Variants in FOXP1 observed in about 807,000 individuals in gnomAD.
The protein encoded by FOXP1 is forkhead box protein P1.
Under a neutral mutation model 98.2 loss-of-function variants are expected in FOXP1, and 15 were observed. The observed-to-expected ratio is 0.15, with a 90% CI of 0.10 to 0.24. The LOEUF (loss-of-function observed/expected upper bound fraction) is 0.24, where lower values mean the gene tolerates loss of function less well. Among genes scored for constraint, FOXP1 ranks in the 10% least tolerant of loss-of-function variants. The pLI, the probability that FOXP1 is intolerant of heterozygous loss-of-function variation, is 1.00. For synonymous variants in FOXP1, 371 were observed against 314.5 expected (o/e 1.18, Z -1.90); for missense variants, 633 against 848.5 (o/e 0.75, Z 3.15).
At chr3:71,090,733 C>A (rs1239072911) in intron 7 of FOXP1, among the ~76,000 whole-genome samples, 1 of 152,060 alleles carries the variant, frequency 6.6e-6, no homozygotes, top group African/African-American at 2.4e-5. Context: ...AGTTGCACTG[C>A]CATTACAGGA....
At chr3:71,536,044 T>C (rs1466372094) in intron 2 of FOXP1, among the ~76,000 whole-genome samples, 1 of 152,108 alleles carries the variant, frequency 6.6e-6, no homozygotes, top group African/African-American at 2.4e-5. Context: ...AACAGTTGCC[T>C]TGAGGTAGTC....
At chr3:71,070,245 G>A (rs1576576428) in intron 7 of FOXP1, among the ~76,000 whole-genome samples, 2 of 152,322 alleles carry the variant, frequency 1.3e-5, no homozygotes, top group African/African-American at 4.8e-5. Flanking sequence ...ATGCACATTC[G>A]TCTACTCTAT....
chr3:71,076,370 G>A (rs1267772916), intron 7 of FOXP1, among the ~76,000 whole-genome samples: 5 of 152,118 alleles, frequency 3.3e-5, no homozygotes, highest in South Asian at 2.1e-4. Context: ...TAACAAATAC[G>A]TACATACGCA....
intron 16 of FOXP1, 48 bp from the exon 17 acceptor site, chr3:70,977,090 A>G (rs775272355): frequency 8.1e-7 from 1 of 1,227,470 alleles, no homozygotes; most frequent in East Asian, 2.3e-5. Flanking sequence ...AAATCAGCAG[A>G]GTCGTCATTC....
intron 3 of FOXP1, among the ~76,000 whole-genome samples, chr3:71,467,631 T>C (rs577952993): frequency 6.6e-6 from 1 of 152,264 alleles, no homozygotes; most frequent in East Asian, 1.9e-4. Flanking sequence ...ACTTTCCTTT[T>C]CCTGAGCCAG....
chr3:71,100,612 GATAAT>G (rs1464137008), intron 7 of FOXP1, among the ~76,000 whole-genome samples: 1 of 152,186 alleles, frequency 6.6e-6, no homozygotes, highest in Non-Finnish European at 1.5e-5. Flanking sequence ...AGCAGACAAA[GATAAT>G]CTCCTGAAAT....
intron 5 of FOXP1, among the ~76,000 whole-genome samples, chr3:71,285,098 C>T (rs1261643624): frequency 6.6e-6 from 1 of 151,984 alleles, no homozygotes; most frequent in Non-Finnish European, 1.5e-5. Flanking sequence ...GTATTTTATC[C>T]CACAGAAGGG....
chr3:71,147,805 A>G (rs886488853), intron 6 of FOXP1, among the ~76,000 whole-genome samples: 24 of 150,566 alleles, frequency 1.6e-4, no homozygotes, highest in African/African-American at 5.9e-4. Flanking sequence ...TTAAAATAGT[A>G]AAAAAAAAAT....
At chr3:71,428,490 C>A (rs1361303061) in intron 3 of FOXP1, among the ~76,000 whole-genome samples, 1 of 152,202 alleles carries the variant, frequency 6.6e-6, no homozygotes, top group Non-Finnish European at 1.5e-5. Context: ...CTTGGTCCAC[C>A]CCTTCGGGTT....
At chr3:71,228,577 C>G (rs1417814869) in intron 5 of FOXP1, among the ~76,000 whole-genome samples, 1 of 152,172 alleles carries the variant, frequency 6.6e-6, no homozygotes, top group Non-Finnish European at 1.5e-5. Context: ...GGCACTAACA[C>G]AAGGACATAG....
At chr3:71,097,980 T>A (rs2056620127) in intron 7 of FOXP1, among the ~76,000 whole-genome samples, 1 of 152,200 alleles carries the variant, frequency 6.6e-6, no homozygotes, top group African/African-American at 2.4e-5. Flanking sequence ...GGATGTAGAT[T>A]TTCCAATTAG....
intron 5 of FOXP1, among the ~76,000 whole-genome samples, chr3:71,239,714 AAT>A (rs2067092661): frequency 6.6e-6 from 1 of 152,208 alleles, no homozygotes; most frequent in African/African-American, 2.4e-5. Context: ...CAGGAAAAAG[AAT>A]AACGCTTTTT....
At chr3:71,311,612 G>A (rs2074686772) in intron 4 of FOXP1, among the ~76,000 whole-genome samples, 2 of 152,148 alleles carry the variant, frequency 1.3e-5, no homozygotes, top group South Asian at 2.1e-4. Context: ...TTATGGACAC[G>A]CTCATCTCAA....
At chr3:70,969,748 T>A (rs748734198) in intron 19 of FOXP1, 1 of 152,238 alleles carries the variant, frequency 6.6e-6, no homozygotes, top group Non-Finnish European at 1.5e-5. Context: ...CATTGCAGTA[T>A]CTCAGAACCA....
At chr3:70,968,796 T>A (rs1431336341) in intron 19 of FOXP1, 1 of 152,200 alleles carries the variant, frequency 6.6e-6, no homozygotes, top group Non-Finnish European at 1.5e-5. Flanking sequence ...TAGGCGGTAA[T>A]GGAAAGGAAG....
intron 3 of FOXP1, among the ~76,000 whole-genome samples, chr3:71,440,664 C>CCA (rs748637253): frequency 6.6e-6 from 1 of 151,160 alleles, no homozygotes; most frequent in Non-Finnish European, 1.5e-5. Context: ...CCACTGCACT[C>CCA]CAGCCTGGGT....
At chr3:71,485,771 CAA>C (rs545900035) in intron 3 of FOXP1, among the ~76,000 whole-genome samples, 132 of 111,622 alleles carry the variant, frequency 1.2e-3, no homozygotes, top group Admixed American at 1.4e-3. Flanking sequence ...GAGACTCCAT[CAA>C]AAAAAAAAAA....
At chr3:70,966,244 T>C (rs1434537952) in intron 19 of FOXP1, 188 bp from the exon 20 acceptor site, 1 of 631,848 alleles carries the variant, frequency 1.6e-6, no homozygotes, top group Non-Finnish European at 2.8e-6. Flanking sequence ...CAAGCTTGGT[T>C]TTGAAGAGCT....
At chr3:71,320,431 C>G (rs1055398621) in intron 4 of FOXP1, among the ~76,000 whole-genome samples, 8 of 151,816 alleles carry the variant, frequency 5.3e-5, no homozygotes, top group African/African-American at 1.9e-4. Context: ...TAAGCCGCTG[C>G]ACAGATCTAG....
Sources: gnomAD v4.1 joint callset for allele counts (sites outside exome capture counted in the v4.1 genomes callset) on GRCh38, gnomAD v4.1.1 for gene constraint, MANE v1.5 for transcripts, NCBI Gene and HGNC (gene_info 2026-07-23, HGNC 2026-07-21) for gene names.